TENM2: variants seen among roughly 807,000 people sequenced by gnomAD.
The protein encoded by TENM2 is teneurin transmembrane protein 2, also known as teneurin-2.
Under a neutral mutation model 245.2 loss-of-function variants are expected in TENM2, and 52 were observed. The ratio of observed to expected loss-of-function variants is 0.21; its 90% confidence interval spans 0.17 to 0.27. The LOEUF is 0.27. Among genes scored for constraint, TENM2 ranks in the 10% least tolerant of loss-of-function variants. The probability of loss-of-function intolerance (pLI) is 1.00; values close to 1 mark genes in which losing one functional copy is unlikely to be tolerated. For synonymous variants in TENM2, 1,363 were observed against 1,438.9 expected (o/e 0.95, Z 1.19); for missense variants, 3,046 against 3,666.8 (o/e 0.83, Z 4.37).
intron 2 of TENM2, among the ~76,000 whole-genome samples, chr5:167,401,489 T>C (rs2127386501): frequency 6.6e-6 from 1 of 152,234 alleles, no homozygotes; most frequent in South Asian, 2.1e-4. Context: ...GAACAAGAAG[T>C]CTTTAAATTT....
intron 2 of TENM2, among the ~76,000 whole-genome samples, chr5:167,474,623 C>T (rs1050121303): frequency 1.3e-5 from 2 of 151,692 alleles, no homozygotes; most frequent in African/African-American, 2.4e-5. Context: ...AGGGAATTCT[C>T]CCTGCCTCAG....
chr5:167,518,624 C>T (rs998261999), intron 2 of TENM2, among the ~76,000 whole-genome samples: 6 of 152,078 alleles, frequency 3.9e-5, no homozygotes, highest in African/African-American at 1.4e-4. Flanking sequence ...CTTCTCAATA[C>T]TGCATGCATG....
chr5:167,376,004 A>T (rs1272608812), intron 2 of TENM2, among the ~76,000 whole-genome samples: 1 of 152,206 alleles, frequency 6.6e-6, no homozygotes, highest in East Asian at 1.9e-4. Flanking sequence ...CTTCAGAAAA[A>T]GAATTCTTTA....
chr5:167,255,452 C>G, the TENM2 span, among the ~76,000 whole-genome samples: 1 of 152,112 alleles, frequency 6.6e-6, no homozygotes, highest in Non-Finnish European at 1.5e-5. Flanking sequence ...CATGTAAAAG[C>G]ACTTATCTTG....
intron 1 of TENM2, among the ~76,000 whole-genome samples, chr5:167,372,397 G>A (rs1001215469): frequency 4.6e-5 from 7 of 152,036 alleles, no homozygotes; most frequent in Non-Finnish European, 8.8e-5. Context: ...CTAAAGAAGG[G>A]GCACTGTGTG....
chr5:167,596,193 TTACTGTCATTATCTGAAG>T (rs1394028251), intron 2 of TENM2, among the ~76,000 whole-genome samples: 3 of 152,278 alleles, frequency 2.0e-5, no homozygotes, highest in Admixed American at 6.5e-5. Flanking sequence ...GTCAGACCGT[TTACTGTCATTATCTGAAG>T]TAAACATCAA....
chr5:167,308,278 T>C (rs951713699), intron 1 of TENM2, among the ~76,000 whole-genome samples: 14 of 152,168 alleles, frequency 9.2e-5, no homozygotes, highest in Non-Finnish European at 2.9e-5. Context: ...CCATGCAACA[T>C]GGGACAAGTC....
At chr5:168,045,473 G>C (rs1009782234) in intron 5 of TENM2, among the ~76,000 whole-genome samples, 1 of 152,194 alleles carries the variant, frequency 6.6e-6, no homozygotes, top group East Asian at 1.9e-4. Context: ...GCAAGATTGA[G>C]TGCTATAAGA....
chr5:167,899,740 C>CTGGTTGT (rs1420940687), intron 3 of TENM2, among the ~76,000 whole-genome samples: 1 of 152,134 alleles, frequency 6.6e-6, no homozygotes, highest in Non-Finnish European at 1.5e-5. Context: ...AAACATCTCC[C>CTGGTTGT]TGGTTGTTCC....
intron 9 of TENM2, among the ~76,000 whole-genome samples, chr5:168,104,063 C>G (rs1057269020): frequency 6.6e-6 from 1 of 152,112 alleles, no homozygotes; most frequent in African/African-American, 2.4e-5. Flanking sequence ...GAGATTTGCT[C>G]TGTCACCCAG....
In TENM2 at chr5:167,447,552, G is replaced by A. The variant is rs142397971; in HGVS notation, c.502+72079G>A. The stretch of plus-strand genomic sequence containing the variant: ...TTTGACTTGGGTGAGGATCTCTTAC[G>A]TGAGGCTCAGCCAGTAAAGTTTTAT... On this transcript the variant is annotated intron_variant, in intron 2 of 28. Coordinates refer to ENST00000518659, the Ensembl canonical transcript of TENM2. Among the ~76,000 whole-genome samples the A allele has an allele frequency of 5.9e-3, 895 of 152,194 alleles. 7 individuals carry two copies. The highest frequency in any genetic ancestry group is 0.02 in the African/African-American group (837 of 41,538).
intron 2 of TENM2, among the ~76,000 whole-genome samples, chr5:167,458,195 A>G (rs1045550357): frequency 2.0e-5 from 3 of 152,084 alleles, no homozygotes; most frequent in African/African-American, 4.8e-5. Context: ...AGGTCAGTCA[A>G]CATTTTCAGT....
chr5:167,989,300 GAT>G (rs1301645152), intron 4 of TENM2, among the ~76,000 whole-genome samples: 64 of 140,038 alleles, frequency 4.6e-4, no homozygotes, highest in African/African-American at 1.4e-3. Flanking sequence ...GAGAGAGAGA[GAT>G]AGATAGATTT....
At chr5:167,046,225 A>G in the TENM2 span, among the ~76,000 whole-genome samples, 8 of 151,922 alleles carry the variant, frequency 5.3e-5, no homozygotes, top group African/African-American at 1.9e-4. Flanking sequence ...TCCTGCCCAT[A>G]CCCACTCACA....
chr5:167,577,679 T>C (rs909173642), intron 2 of TENM2, among the ~76,000 whole-genome samples: 2 of 152,166 alleles, frequency 1.3e-5, no homozygotes, highest in Non-Finnish European at 2.9e-5. Flanking sequence ...TTCTACTTTC[T>C]AGTAAAGTTT....
intron 5 of TENM2, among the ~76,000 whole-genome samples, chr5:167,994,121 T>C (rs1783873850): frequency 6.6e-6 from 1 of 151,678 alleles, no homozygotes; most frequent in South Asian, 2.1e-4. Context: ...CATGGTGATG[T>C]TTGTTAAAGT....
intron 2 of TENM2, among the ~76,000 whole-genome samples, chr5:167,412,878 C>A (rs75264974): frequency 1.7e-3 from 232 of 137,192 alleles, no homozygotes; most frequent in African/African-American, 1.7e-3. Context: ...TCATCGAAAG[C>A]AAAAAAAAAA....
chr5:167,249,442 T>C, the TENM2 span, among the ~76,000 whole-genome samples: 2 of 152,086 alleles, frequency 1.3e-5, no homozygotes, highest in African/African-American at 2.4e-5. Flanking sequence ...TCTTTCCTTC[T>C]TTCCTTCCTT....
chr5:167,224,453 C>T, the TENM2 span, among the ~76,000 whole-genome samples: 1 of 151,976 alleles, frequency 6.6e-6, no homozygotes, highest in Non-Finnish European at 1.5e-5. Flanking sequence ...GTGTTCTTTC[C>T]GCAATATCTG....
Sources: gnomAD v4.1 joint callset for allele counts (sites outside exome capture counted in the v4.1 genomes callset) on GRCh38, gnomAD v4.1.1 for gene constraint, MANE v1.5 for transcripts, NCBI Gene and HGNC (gene_info 2026-07-23, HGNC 2026-07-21) for gene names.